The following PALLD variants were observed in gnomAD, a reference collection of about 807,000 sequenced individuals.
The protein encoded by PALLD is palladin, cytoskeletal associated protein, also known as palladin.
Under a neutral mutation model 123.5 loss-of-function variants are expected in PALLD, and 61 were observed. The ratio of observed to expected loss-of-function variants is 0.49; its 90% CI spans 0.40 to 0.61. PALLD has a LOEUF of 0.61. Among genes scored for constraint, PALLD ranks in the 20% least tolerant of loss-of-function variants. PALLD has a pLI of 0.00. For missense variants in PALLD, 1,273 were observed against 1,377.0 expected, an observed-to-expected ratio of 0.92 and a Z score of 1.20; for synonymous variants, 465 against 496.4, an observed-to-expected ratio of 0.94 and a Z score of 0.84.
At chr4:168,866,973 C>G (rs1750378220) in intron 10 of PALLD, among the ~76,000 whole-genome samples, 1 of 152,142 alleles carries the variant, frequency 6.6e-6, no homozygotes, top group African/African-American at 2.4e-5. Context: ...CTGAGGAAGT[C>G]GCATTGCACA....
chr4:168,785,844 GAGATAT>G (rs1483392686), intron 10 of PALLD, among the ~76,000 whole-genome samples: 841 of 53,210 alleles, frequency 0.016, 29 homozygotes, highest in African/African-American at 0.043. Flanking sequence ...ATAAACTGTA[GAGATAT>G]ATATATATAT....
chr4:168,569,411 A>T (rs1212547209), intron 2 of PALLD, among the ~76,000 whole-genome samples: 1 of 152,110 alleles, frequency 6.6e-6, no homozygotes, highest in Non-Finnish European at 1.5e-5. Flanking sequence ...TCATCTACAG[A>T]CTGTAAATAC....
chr4:168,674,361 T>G (rs1203327775), intron 3 of PALLD, among the ~76,000 whole-genome samples: 1 of 152,006 alleles, frequency 6.6e-6, no homozygotes, highest in East Asian at 1.9e-4. Context: ...ACTAAAGCTG[T>G]GGGACTGGAT....
intron 16 of PALLD, 31 bp from the exon 17 acceptor site, chr4:168,915,864 T>A (rs1759980474): frequency 6.3e-7 from 1 of 1,586,814 alleles, no homozygotes; most frequent in Non-Finnish European, 8.7e-7. Context: ...TATCTATATT[T>A]CTATCTATCT....
chr4:168,817,620 G>C (rs1316538448), intron 10 of PALLD, among the ~76,000 whole-genome samples: 1 of 152,158 alleles, frequency 6.6e-6, no homozygotes, highest in Non-Finnish European at 1.5e-5. Context: ...GATAAATGCT[G>C]CTCTTATTTT....
intron 2 of PALLD, among the ~76,000 whole-genome samples, chr4:168,600,940 C>T (rs1772580699): frequency 6.6e-6 from 1 of 152,136 alleles, no homozygotes; most frequent in Non-Finnish European, 1.5e-5. Flanking sequence ...GCAATGTCAA[C>T]TTTGCCTGGG....
chr4:168,688,300 A>G (rs891483723), intron 6 of PALLD, among the ~76,000 whole-genome samples: 2 of 152,010 alleles, frequency 1.3e-5, no homozygotes, highest in African/African-American at 4.8e-5. Flanking sequence ...TTCTCATGCT[A>G]CTCTGGAAGA....
chr4:168,581,291 T>C (rs139366965), intron 2 of PALLD, among the ~76,000 whole-genome samples: 48 of 151,652 alleles, frequency 3.2e-4, no homozygotes, highest in Admixed American at 3.1e-3. Context: ...TGCTGGATTT[T>C]ATGCTAGTTC....
intron 2 of PALLD, among the ~76,000 whole-genome samples, chr4:168,636,391 G>A (rs1021174434): frequency 1.2e-4 from 19 of 152,174 alleles, no homozygotes; most frequent in South Asian, 2.1e-4. Flanking sequence ...AGGCAGAGGC[G>A]AGAAGATCGC....
At chr4:168,506,743 A>G (rs1042569742) in intron 1 of PALLD, among the ~76,000 whole-genome samples, 1 of 152,178 alleles carries the variant, frequency 6.6e-6, no homozygotes, top group Non-Finnish European at 1.5e-5. Context: ...CACACCTGTA[A>G]TATTTTCTTT....
At chr4:168,761,658 T>TTTTTTTTTTTTTTTTTTTTTTTTTTG (rs1732924246) in intron 10 of PALLD, among the ~76,000 whole-genome samples, 5 of 43,072 alleles carry the variant, frequency 1.2e-4, no homozygotes, top group Non-Finnish European at 2.1e-4. Flanking sequence ...TTTTTTTTTT[T>TTTTTTTTTTTTTTTTTTTTTTTTTTG]TTTTTTTTTT....
At chr4:168,903,300 T>C (rs1209296729) in intron 14 of PALLD, among the ~76,000 whole-genome samples, 1 of 152,152 alleles carries the variant, frequency 6.6e-6, no homozygotes, top group East Asian at 1.9e-4. Context: ...TGATTAGAGT[T>C]TGGGGTCTGC....
chr4:168,529,757 C>T (rs1014544482), intron 2 of PALLD, among the ~76,000 whole-genome samples: 2 of 151,990 alleles, frequency 1.3e-5, no homozygotes, highest in East Asian at 3.8e-4. Flanking sequence ...TAATTACAGA[C>T]AAAATGACTA....
At chr4:168,895,213 C>T (rs1754848792) in intron 12 of PALLD, among the ~76,000 whole-genome samples, 1 of 152,084 alleles carries the variant, frequency 6.6e-6, no homozygotes, top group Admixed American at 6.6e-5. Context: ...GAAACCCCGT[C>T]TCTACTAAAA....
At chr4:168,556,726 A>C (rs1767345057) in intron 2 of PALLD, among the ~76,000 whole-genome samples, 1 of 152,182 alleles carries the variant, frequency 6.6e-6, no homozygotes. Context: ...AGCCTAACAA[A>C]AAAGACTGAG....
chr4:168,909,893 A>T (rs1337429031), intron 15 of PALLD, among the ~76,000 whole-genome samples: 1 of 152,176 alleles, frequency 6.6e-6, no homozygotes, highest in African/African-American at 2.4e-5. Context: ...AAAATGACAA[A>T]ATTATACAAC....
intron 10 of PALLD, among the ~76,000 whole-genome samples, chr4:168,741,771 T>A (rs1788371992): frequency 6.6e-6 from 1 of 152,164 alleles, no homozygotes; most frequent in South Asian, 2.1e-4. Context: ...TGCAAAGACC[T>A]AGAACATGAG....
At chr4:168,577,590 T>A (rs1769757752) in intron 2 of PALLD, among the ~76,000 whole-genome samples, 1 of 152,126 alleles carries the variant, frequency 6.6e-6, no homozygotes, top group Admixed American at 6.6e-5. Context: ...TTTTATTCTC[T>A]AAGAGATTGT....
intron 3 of PALLD, among the ~76,000 whole-genome samples, chr4:168,668,867 G>C (rs1012590972): frequency 6.6e-6 from 1 of 152,144 alleles, no homozygotes. Context: ...GAATATTCAA[G>C]AATCAATGTT....
Sources: allele counts gnomAD v4.1 joint callset (sites outside exome capture counted in the v4.1 genomes callset), GRCh38; gene constraint gnomAD v4.1.1; transcripts MANE v1.5; gene names NCBI Gene and HGNC (gene_info 2026-07-23, HGNC 2026-07-21).